The following POLD3 variants were observed in gnomAD, a reference collection of about 807,000 sequenced individuals.
The protein encoded by POLD3 is DNA polymerase delta subunit 3.
POLD3 carries 19 observed loss-of-function variants against 58.2 expected under a neutral mutation model. The observed-to-expected ratio is 0.33, with a 90% CI of 0.23 to 0.48. The LOEUF is 0.48. Ranked by LOEUF, POLD3 falls within the 20% of genes least tolerant of loss-of-function variation. The pLI, the probability that POLD3 is intolerant of heterozygous loss-of-function variation, is 0.99. For missense variants in POLD3, 504 were observed against 545.5 expected (o/e 0.92, Z 0.76); for synonymous variants, 172 against 193.5 (o/e 0.89, Z 0.92).
At chr11:74,660,512 G>T (rs181867232) in intron 4 of POLD3, among the ~76,000 whole-genome samples, 1 of 151,274 alleles carries the variant, frequency 6.6e-6, no homozygotes, top group Non-Finnish European at 1.5e-5. Flanking sequence ...TTTTTCTTTT[G>T]TCTCCTGATA....
chr11:74,654,574 G>A (rs114576188), intron 4 of POLD3, among the ~76,000 whole-genome samples: 1,721 of 152,252 alleles, frequency 0.011, 27 homozygotes, highest in African/African-American at 0.039. Context: ...AAATTGAGAA[G>A]CATTTATTCG....
chr11:74,611,520 A>G lies in POLD3; in HGVS notation c.241A>G (p.Arg81Gly). 1.3e-6 allele frequency: 2 copies of G among 1,570,916 alleles called. No homozygotes were observed. Among genetic ancestry groups the G allele is most frequent in the Non-Finnish European group, 1.7e-6 (2 of 1,151,130 alleles). Reference sequence around the variant, plus strand: ...ACAGTGCCACAAGGTTGCAGTAGTGAGAGAAGATAAATTGGAAGGTAAGTG... The same window carrying G: ...ACAGTGCCACAAGGTTGCAGTAGTGGGAGAAGATAAATTGGAAGGTAAGTG... ...GHSCHKVAVV[R>G]EDKLEAVKSK... Residue 81 changes from arginine (R) to glycine (G), a missense_variant, in exon 4 of 12, where the codon AGA becomes GGA. Physicochemically the swap from Arg to Gly is moderately radical, Grantham distance 125 (BLOSUM62 -2). This residue lies in a region of POLD3 where 119 missense variants were observed against 175.0 expected (regional missense o/e 0.68). Coordinates refer to ENST00000263681, the MANE Select transcript of POLD3 (RefSeq NM_006591.3).
At chr11:74,643,910 G>A (rs976314609), downstream of POLD3, among the ~76,000 whole-genome samples, 5 of 152,178 alleles carry the variant, frequency 3.3e-5, no homozygotes, top group South Asian at 2.1e-4. Context: ...AAACAAGGCC[G>A]CTTAATTCTG....
intron 5 of POLD3, among the ~76,000 whole-genome samples, chr11:74,615,523 G>C (rs903365632): frequency 1.3e-5 from 2 of 152,182 alleles, no homozygotes; most frequent in African/African-American, 4.8e-5. Flanking sequence ...TAAGTAAATG[G>C]GGACAGAGGA....
intron 7 of POLD3, among the ~76,000 whole-genome samples, chr11:74,624,471 A>C (rs536376634): frequency 5.5e-4 from 84 of 152,384 alleles, no homozygotes; most frequent in African/African-American, 1.9e-3. Flanking sequence ...AATAGCCCAG[A>C]CTATGATACC....
chr11:74,602,223 C>T (rs140574224), intron 2 of POLD3, among the ~76,000 whole-genome samples: 20 of 152,190 alleles, frequency 1.3e-4, no homozygotes, highest in African/African-American at 4.6e-4. Context: ...GGATTACAGG[C>T]GTGAGCCACC....
intron 4 of POLD3, among the ~76,000 whole-genome samples, chr11:74,611,858 T>C (rs948098779): frequency 6.6e-6 from 1 of 152,230 alleles, no homozygotes; most frequent in African/African-American, 2.4e-5. Flanking sequence ...GCAGTTTTTT[T>C]AGGAAACAAG....
chr11:74,612,209 A>G (rs1169038675), intron 4 of POLD3, among the ~76,000 whole-genome samples: 3 of 152,208 alleles, frequency 2.0e-5, no homozygotes, highest in Non-Finnish European at 4.4e-5. Context: ...TATTTTACCA[A>G]ATTTAACTCT....
At chr11:74,668,803 C>G (rs745369626) in exon 5 of POLD3, 1 of 1,287,688 alleles carries the variant, frequency 7.8e-7, no homozygotes, top group Non-Finnish European at 1.0e-6. Flanking sequence ...GTCCCACTCA[C>G]TAGACATTTT....
At position 74,631,477 on chromosome 11, in the gene POLD3, C is replaced by CTTTT. The variant is rs1158260012; in HGVS notation, c.1006+2171_1006+2174dup. On this transcript the variant is annotated intron_variant, in intron 9 of 11. Transcript: ENST00000263681. Reference sequence around the variant, plus strand: ...ATGGTTTTCTTTTGTTTTGTCTTGTCTTTTTTTTTTTTTTTTTTTTGAGAC... The same window carrying CTTTT: ...ATGGTTTTCTTTTGTTTTGTCTTGTCTTTTTTTTTTTTTTTTTTTTTTTTGAGAC... Among the ~76,000 whole-genome samples the CTTTT allele has an allele frequency of 2.7e-4, 30 of 110,290 alleles. 1 individual carries two copies. Among genetic ancestry groups the CTTTT allele is most frequent in the East Asian group, 5.3e-4 (2 of 3,794 alleles). The allele number at this position is 110,290 out of a possible 152,430, so 72.4% of individuals were successfully genotyped here.
chr11:74,625,871 T>TGTG, intron 8 of POLD3, among the ~76,000 whole-genome samples: 2 of 143,680 alleles, frequency 1.4e-5, no homozygotes, highest in East Asian at 4.0e-4. Flanking sequence ...GTGTGCCTAG[T>TGTG]TGTGTGTGTG....
intron 4 of POLD3, among the ~76,000 whole-genome samples, chr11:74,660,282 C>A (rs776930948): frequency 1.1e-4 from 17 of 152,136 alleles, no homozygotes; most frequent in Non-Finnish European, 2.2e-4. Context: ...CTGGGAGATA[C>A]AATTCAAGTT....
intron 9 of POLD3, among the ~76,000 whole-genome samples, chr11:74,632,877 T>TATACACAC (rs1263669028): frequency 8.6e-6 from 1 of 115,730 alleles, no homozygotes; most frequent in African/African-American, 4.3e-5. Context: ...TTTAAGTAAA[T>TATACACAC]ACACACACAC....
At chr11:74,596,030 ATT>A (rs55653832) in intron 2 of POLD3, among the ~76,000 whole-genome samples, 247 of 133,826 alleles carry the variant, frequency 1.8e-3, no homozygotes, top group Non-Finnish European at 1.9e-3. Context: ...TTTTAATCTT[ATT>A]TTTTTTTTTT....
At chr11:74,667,431 G>C (rs1334493218) in intron 4 of POLD3, among the ~76,000 whole-genome samples, 1 of 152,190 alleles carries the variant, frequency 6.6e-6, no homozygotes, top group African/African-American at 2.4e-5. Context: ...CCAGCTGGAG[G>C]CTGAGGCAGA....
chr11:74,596,262 C>G (rs1038634934), intron 2 of POLD3, among the ~76,000 whole-genome samples: 1 of 151,102 alleles, frequency 6.6e-6, no homozygotes, highest in Non-Finnish European at 1.5e-5. Flanking sequence ...CGGCTCACTG[C>G]AACCTCCGCC....
chr11:74,634,190 A>G (rs1004950723), intron 9 of POLD3, among the ~76,000 whole-genome samples: 4 of 152,202 alleles, frequency 2.6e-5, no homozygotes, highest in Non-Finnish European at 5.9e-5. Flanking sequence ...TGGCAAGTTT[A>G]GGAACCCCTC....
intron 4 of POLD3, among the ~76,000 whole-genome samples, chr11:74,649,370 A>C (rs544723817): frequency 1.3e-5 from 2 of 152,332 alleles, no homozygotes; most frequent in East Asian, 3.9e-4. Context: ...AGTACATGGT[A>C]GAGCTGGGAT....
At chr11:74,632,449 G>T (rs1476575356) in intron 9 of POLD3, among the ~76,000 whole-genome samples, 2 of 152,160 alleles carry the variant, frequency 1.3e-5, no homozygotes, top group Admixed American at 6.5e-5. Context: ...ATTGAGTGGG[G>T]ATGTTTGGCT....
Sources: gnomAD v4.1 joint callset for allele counts (sites outside exome capture counted in the v4.1 genomes callset) on GRCh38, gnomAD v4.1.1 for gene constraint, gnomAD v4.1.1 regional missense constraint, MANE v1.5 for transcripts, NCBI Gene and HGNC (gene_info 2026-07-23, HGNC 2026-07-21) for gene names.